The following WASF1 variants were observed in gnomAD, a reference collection of about 807,000 sequenced individuals.
The protein encoded by WASF1 is actin-binding protein WASF1.
A neutral mutation model predicts 50.5 loss-of-function variants in WASF1; 7 were observed. That is an observed-to-expected ratio of 0.14 (90% CI 0.08 to 0.26). The LOEUF (loss-of-function observed/expected upper bound fraction) is 0.26, where lower values mean the gene tolerates loss of function less well. WASF1 is among the 10% of genes least tolerant of loss of function. The pLI, the probability that WASF1 is intolerant of heterozygous loss-of-function variation, is 1.00. For synonymous variants in WASF1, 205 were observed against 244.0 expected, an observed-to-expected ratio of 0.84 and a Z score of 1.49; for missense variants, 470 against 694.7, an observed-to-expected ratio of 0.68 and a Z score of 3.64.
intron 4 of WASF1, among the ~76,000 whole-genome samples, chr6:110,116,854 G>A (rs1007932747): frequency 6.6e-6 from 1 of 152,096 alleles, no homozygotes; most frequent in Non-Finnish European, 1.5e-5. Flanking sequence ...AATATTTGCT[G>A]TTCTGCAGCC....
chr6:110,110,335 A>G (rs1336703777), intron 5 of WASF1, among the ~76,000 whole-genome samples: 3 of 152,208 alleles, frequency 2.0e-5, no homozygotes. Context: ...TCTTTTTGCC[A>G]CAATACCACA....
At chr6:110,139,534 T>C (rs1775127311) in intron 3 of WASF1, among the ~76,000 whole-genome samples, 1 of 152,242 alleles carries the variant, frequency 6.6e-6, no homozygotes, top group Non-Finnish European at 1.5e-5. Flanking sequence ...GAATGGCTAT[T>C]CCCAGCTTTT....
chr6:110,133,209 A>T (rs1034246704), intron 3 of WASF1, among the ~76,000 whole-genome samples: 1 of 152,072 alleles, frequency 6.6e-6, no homozygotes, highest in East Asian at 1.9e-4. Context: ...TACATACTAC[A>T]TACATCCATA....
chr6:110,134,768 T>C (rs924297267), intron 3 of WASF1, among the ~76,000 whole-genome samples: 5 of 152,190 alleles, frequency 3.3e-5, no homozygotes, highest in African/African-American at 1.2e-4. Flanking sequence ...TTTTGGTTAG[T>C]ATGCCCTTAT....
chr6:110,108,505 C>T (rs1352879948), intron 6 of WASF1, 23 bp downstream of exon 6: 2 of 1,583,094 alleles, frequency 1.3e-6, no homozygotes, highest in Non-Finnish European at 1.7e-6. Flanking sequence ...AATAATAGGG[C>T]TACTATTTAT....
chr6:110,138,288 G>C (rs1443198417), intron 3 of WASF1, among the ~76,000 whole-genome samples: 1 of 152,214 alleles, frequency 6.6e-6, no homozygotes, highest in Non-Finnish European at 1.5e-5. Flanking sequence ...TAGACACCAG[G>C]AACTGCAGAG....
rs184874919 is a variant in WASF1 at position 110,103,387 on chromosome 6, G to T, written c.884C>A (p.Thr295Asn). Residue 295 changes from threonine (T) to asparagine (N), a missense_variant, in exon 9 of 11, where the codon ACC (threonine) becomes AAC (asparagine). Physicochemically the swap from Thr to Asn is moderately conservative, Grantham distance 65 (BLOSUM62 0). This residue lies in a region of WASF1 where 294 missense variants were observed against 343.5 expected (regional missense o/e 0.86). Transcript: ENST00000392589. ...GCTTGTTCCAACATACCTGATACAG[G>T]TGGGTATCGGTTTTGCATCTCCTGC... ...HGAGDAKPIP[T>N]CISSATGLIE... is the part of the protein sequence containing the mutation. The T allele has an allele frequency of 6.2e-7, 1 of 1,612,526 alleles. No individual in the cohort carries two copies. Among genetic ancestry groups the T allele is most frequent in the Admixed American group, 1.7e-5 (1 of 59,968 alleles).
At position 110,146,312 on chromosome 6, in the gene WASF1, C is replaced by T. The variant is rs1311876624; in HGVS notation, c.-29+14323G>A. ...CAAATACTTATTAAGAAATGTCCTC[C>T]CTTCTTAAGAATAGAAGCCACTTAA... On this transcript the variant is annotated intron_variant, in intron 3 of 10. Coordinates refer to ENST00000392589, the MANE Select transcript of WASF1 (RefSeq NM_003931.3). Among the ~76,000 whole-genome samples the T allele has an allele frequency of 4.0e-5, 6 of 151,744 alleles. No homozygotes were observed. The East Asian group carries it at 1.2e-3, about 29-fold the overall frequency.
At chr6:110,133,350 C>T (rs1357303669) in intron 3 of WASF1, among the ~76,000 whole-genome samples, 2 of 151,912 alleles carry the variant, frequency 1.3e-5, no homozygotes, top group Non-Finnish European at 2.9e-5. Context: ...TGTACAATGA[C>T]TTTTTTATAG....
chr6:110,142,391 T>C (rs1775286317), intron 3 of WASF1, among the ~76,000 whole-genome samples: 1 of 152,188 alleles, frequency 6.6e-6, no homozygotes, highest in African/African-American at 2.4e-5. Flanking sequence ...TTCCTCATCC[T>C]TTCTTTTTAC....
At chr6:110,162,641 C>T (rs1276476605) in intron 2 of WASF1, among the ~76,000 whole-genome samples, 2 of 151,230 alleles carry the variant, frequency 1.3e-5, no homozygotes, top group African/African-American at 4.8e-5. Context: ...ATCGTATCAA[C>T]AGGCTAAAGA....
At chr6:110,120,706 A>C (rs1350471822) in intron 4 of WASF1, among the ~76,000 whole-genome samples, 16 of 152,268 alleles carry the variant, frequency 1.1e-4, no homozygotes, top group East Asian at 3.9e-4. Flanking sequence ...CATATGGAAC[A>C]AAAAAAGAGC....
At position 110,101,771 on chromosome 6, in the gene WASF1, C is replaced by T; in HGVS notation, c.1339G>A (p.Ala447Thr). The change falls in exon 10 of 11, where the codon GCT becomes ACT. Residue 447 changes from alanine (A) to threonine (T), a missense_variant. Transcript: ENST00000392589. ...IRPSSPVTVT[A>T]LAHPPSGLHP... ...AGCCCAGAGGGAGGATGAGCAAGAGCTGTAACTGTGACAGGTGATGATGGT... is the reference window on the plus strand; with the variant it reads ...AGCCCAGAGGGAGGATGAGCAAGAGTTGTAACTGTGACAGGTGATGATGGT... 1 of 1,614,060 alleles carries T rather than the reference C, an allele frequency of 6.2e-7. No homozygotes were observed. The highest frequency in any genetic ancestry group is 1.6e-4 in the Middle Eastern group (1 of 6,062).
At chr6:110,165,856 G>A (rs550723100) in intron 2 of WASF1, among the ~76,000 whole-genome samples, 13 of 151,830 alleles carry the variant, frequency 8.6e-5, no homozygotes, top group African/African-American at 3.1e-4. Context: ...GCATGATAAA[G>A]TTTGAGTACA....
At chr6:110,148,247 T>C (rs1775667079) in intron 3 of WASF1, among the ~76,000 whole-genome samples, 2 of 151,966 alleles carry the variant, frequency 1.3e-5, no homozygotes, top group African/African-American at 4.9e-5. Context: ...ATTCATTCAT[T>C]CATCTAACCA....
intron 3 of WASF1, among the ~76,000 whole-genome samples, chr6:110,134,408 T>C (rs1774846019): frequency 6.6e-6 from 1 of 151,602 alleles, no homozygotes; most frequent in Admixed American, 6.6e-5. Context: ...TTCTGTTCCA[T>C]TGTTCTATGT....
chr6:110,105,346 C>T (rs1773270655), intron 8 of WASF1, 61 bp downstream of exon 8: 5 of 1,487,126 alleles, frequency 3.4e-6, no homozygotes, highest in Non-Finnish European at 4.5e-6. Context: ...CTTAGAAGTA[C>T]AGATACTACA....
At chr6:110,144,604 G>C (rs1353878751) in intron 3 of WASF1, among the ~76,000 whole-genome samples, 86 of 151,980 alleles carry the variant, frequency 5.7e-4, no homozygotes, top group African/African-American at 1.8e-3. Flanking sequence ...TAGGTCTAAC[G>C]TGTAAGTCTT....
intron 2 of WASF1, among the ~76,000 whole-genome samples, chr6:110,168,172 C>T (rs1390470787): frequency 6.6e-6 from 1 of 151,944 alleles, no homozygotes; most frequent in Non-Finnish European, 1.5e-5. Context: ...CAGTTAATAA[C>T]GAGTGAATTT....
Sources: allele counts gnomAD v4.1 joint callset (sites outside exome capture counted in the v4.1 genomes callset), GRCh38; gene constraint gnomAD v4.1.1; regional missense constraint gnomAD v4.1.1; transcripts MANE v1.5; gene names NCBI Gene and HGNC (gene_info 2026-07-23, HGNC 2026-07-21).